Variants in MBTPS2 observed in about 807,000 individuals in gnomAD.
MBTPS2 encodes membrane bound transcription factor peptidase, site 2, also known as membrane-bound transcription factor site-2 protease.
A neutral mutation model predicts 35.4 loss-of-function variants in MBTPS2; 2 were observed. That is an observed-to-expected ratio of 0.06 (90% CI 0.02 to 0.18). The LOEUF (loss-of-function observed/expected upper bound fraction) is 0.18, where lower values mean the gene tolerates loss of function less well. MBTPS2 is among the 10% of genes least tolerant of loss of function. The pLI, the probability that MBTPS2 is intolerant of heterozygous loss-of-function variation, is 1.00. For synonymous variants in MBTPS2, 125 were observed against 140.4 expected (o/e 0.89, Z 0.77); for missense variants, 244 against 386.5 (o/e 0.63, Z 3.09).
At chrX:21,856,257 C>T (rs1213940858) in intron 5 of MBTPS2, 4 of 414,515 alleles carry the variant, frequency 9.6e-6, no homozygotes, top group Non-Finnish European at 1.6e-5. Flanking sequence ...CCTGCGCCTT[C>T]CGGCTCGTGC....
chrX:21,857,341 C>T (rs765559309), intron 5 of MBTPS2: 5 of 1,212,343 alleles, frequency 4.1e-6, no homozygotes, highest in East Asian at 3.0e-5. Context: ...CACGTATGTG[C>T]AGAATGTGGC....
At chrX:21,860,387 G>A (rs1274264154) in intron 5 of MBTPS2, among the ~76,000 whole-genome samples, 3 of 112,075 alleles carry the variant, frequency 2.7e-5, no homozygotes, top group African/African-American at 6.5e-5. Flanking sequence ...CACTCCAGCC[G>A]GGGTAACAGA....
At chrX:21,861,517 C>G (rs5951646) in intron 5 of MBTPS2, among the ~76,000 whole-genome samples, 49,176 of 108,864 alleles carry the variant, frequency 0.45, 8,330 homozygotes, top group East Asian at 0.59. Flanking sequence ...TATTTATGAA[C>G]AGATATGGAA....
intron 3 of MBTPS2, among the ~76,000 whole-genome samples, chrX:21,850,924 A>G (rs2147433033): frequency 8.9e-6 from 1 of 111,759 alleles, no homozygotes; most frequent in African/African-American, 3.2e-5. Context: ...ATGGAATAGA[A>G]GGGTATGGTG....
chrX:21,849,791 C>A (rs1284135889), intron 3 of MBTPS2, among the ~76,000 whole-genome samples: 1 of 102,230 alleles, frequency 9.8e-6, no homozygotes, highest in Admixed American at 1.1e-4. Context: ...CTTTGGGAGG[C>A]GGAGGAAGGC....
At chrX:21,879,053 G>A (rs977606468) in intron 9 of MBTPS2, among the ~76,000 whole-genome samples, 1 of 111,036 alleles carries the variant, frequency 9.0e-6, no homozygotes, top group African/African-American at 3.3e-5. Flanking sequence ...ATGCCAGGAT[G>A]CATGGGGATG....
Position 21,880,886 on chromosome X carries a change from T to G in MBTPS2, c.1262-11T>G, listed in dbSNP as rs2092958615. ...GAATAATATTTATTATTCCTTATTT[T>G]TCTTTTTCAGTGAGCATCACCAGTT... On this transcript the variant is annotated splice_polypyrimidine_tract_variant and intron_variant, in intron 9 of 10. Coordinates refer to ENST00000379484, the MANE Select transcript of MBTPS2 (RefSeq NM_015884.4). 1 of 1,115,781 alleles carries G rather than the reference T, an allele frequency of 9.0e-7. No homozygotes were observed. 92.0% of individuals were successfully genotyped at this position (1,115,781 alleles called of 1,213,427 possible). A position where few individuals can be genotyped will look rare whatever the true frequency, so the allele number is the denominator to read the frequency against.
Position 21,843,217 on chromosome X carries a change from C to T in MBTPS2, c.123C>T (p.Asn41=), listed in dbSNP as rs756859852. Reference sequence around the variant, plus strand: ...CTTATGAAGACTGGCTGGAAAACAACGGACTGAGCATCTCCCCTTTCCACA... The same window carrying T: ...CTTATGAAGACTGGCTGGAAAACAATGGACTGAGCATCTCCCCTTTCCACA... The part of the protein sequence containing the change: ...KHSYEDWLEN[N]GLSISPFHIR... The change falls in exon 2 of 11, where the codon AAC becomes AAT. Residue 41 remains asparagine (N), a synonymous_variant. Transcript: ENST00000379484. 5.1e-5 allele frequency: 61 copies of T among 1,207,675 alleles called. No individual in the cohort carries two copies. The highest frequency in any genetic ancestry group is 6.3e-5 in the Non-Finnish European group (56 of 892,982).
intron 3 of MBTPS2, 140 bp downstream of exon 3, chrX:21,845,524 CA>C (rs1177238352): frequency 7.3e-6 from 4 of 550,219 alleles, no homozygotes; most frequent in African/African-American, 4.7e-5. Context: ...CCTGCTTACA[CA>C]AAAAAATTAA....
At chrX:21,879,178 G>A (rs952254026) in intron 9 of MBTPS2, among the ~76,000 whole-genome samples, 3 of 112,131 alleles carry the variant, frequency 2.7e-5, no homozygotes, top group Non-Finnish European at 5.6e-5. Context: ...TATGGCTAAA[G>A]ATCATGTAGT....
chrX:21,869,013 A>G (rs995467824), intron 6 of MBTPS2, among the ~76,000 whole-genome samples: 1 of 112,639 alleles, frequency 8.9e-6, no homozygotes, highest in African/African-American at 3.2e-5. Context: ...CCCTTAGACA[A>G]TAACTGCTAT....
intron 5 of MBTPS2, among the ~76,000 whole-genome samples, chrX:21,861,610 G>T (rs1178082222): frequency 9.1e-6 from 1 of 110,290 alleles, no homozygotes; most frequent in African/African-American, 3.3e-5. Context: ...AGGCTGAGGT[G>T]GGAGGATCAC....
chrX:21,877,519 G>A (rs1477727540), intron 7 of MBTPS2, among the ~76,000 whole-genome samples: 1 of 111,562 alleles, frequency 9.0e-6, no homozygotes, highest in East Asian at 2.8e-4. Context: ...GTGTACAGGC[G>A]GGTATGTGCA....
intron 5 of MBTPS2, among the ~76,000 whole-genome samples, chrX:21,862,919 CATATATATATAAACATATATATATAT>C (rs1382314682): frequency 7.4e-5 from 3 of 40,365 alleles, no homozygotes; most frequent in Admixed American, 3.9e-4. Context: ...AATATATAAA[CATATATATATAAACATATATATATAT>C]ATATATATAT....
chrX:21,876,678 A>C (rs1286466382), intron 7 of MBTPS2, among the ~76,000 whole-genome samples: 1 of 111,515 alleles, frequency 9.0e-6, no homozygotes, highest in East Asian at 2.8e-4. Context: ...AAGGAGATAG[A>C]GCGACAGTGT....
At chrX:21,867,016 CAAAAAAAA>C (rs760076000) in intron 5 of MBTPS2, among the ~76,000 whole-genome samples, 2 of 57,227 alleles carry the variant, frequency 3.5e-5, no homozygotes, top group South Asian at 1.9e-3. Context: ...GACTCTGTCT[CAAAAAAAA>C]AAAAAAAGAA....
intron 10 of MBTPS2, among the ~76,000 whole-genome samples, chrX:21,882,200 G>A (rs1223928828): frequency 8.9e-6 from 1 of 111,998 alleles, no homozygotes; most frequent in Non-Finnish European, 1.9e-5. Flanking sequence ...GATTGGCTTA[G>A]TTTATAAGTG....
rs759382433 is a variant in MBTPS2 at position 21,856,754 on chromosome X, T to C, written c.670+3251T>C. The C allele has an allele frequency of 2.5e-6, 3 of 1,211,729 alleles. No homozygotes were observed. In the South Asian group the frequency reaches 5.3e-5, roughly 21 times the overall value. Reference sequence around the variant, plus strand: ...AGACACAAGAGGAAGTGGTGGGCTATTGCGACTCAGACAACCAGCTAGGCA... The same window carrying C: ...AGACACAAGAGGAAGTGGTGGGCTACTGCGACTCAGACAACCAGCTAGGCA... On this transcript the variant is annotated intron_variant, in intron 5 of 10. Coordinates refer to ENST00000379484, the MANE Select transcript of MBTPS2 (RefSeq NM_015884.4).
Position 21,884,823 on chromosome X carries a change from A to G in MBTPS2, c.*2168A>G, listed in dbSNP as rs2092962950. 1.5e-6 allele frequency: 1 copy of G among 685,912 alleles called. No individual in the cohort carries two copies. The highest frequency in any genetic ancestry group is 1.7e-6 in the Non-Finnish European group (1 of 577,064). 56.5% of individuals were successfully genotyped at this position (685,912 alleles called of 1,213,427 possible). A position where few individuals can be genotyped will look rare whatever the true frequency, so the allele number is the denominator to read the frequency against. On this transcript the variant is annotated 3_prime_UTR_variant, in exon 11 of 11. Coordinates refer to ENST00000379484, the MANE Select transcript of MBTPS2 (RefSeq NM_015884.4). ...AGAAAAAGCATGTTTCTATTTAAGT[A>G]AGCTGTAAAAAGTATTATTGAATAT...
Sources: allele counts gnomAD v4.1 joint callset (sites outside exome capture counted in the v4.1 genomes callset), GRCh38; gene constraint gnomAD v4.1.1; transcripts MANE v1.5; gene names NCBI Gene and HGNC (gene_info 2026-07-23, HGNC 2026-07-21).